SPOCK2: variants seen among roughly 807,000 people sequenced by gnomAD.
SPOCK2 encodes the protein testican-2.
Under a neutral mutation model 60.1 loss-of-function variants are expected in SPOCK2, and 39 were observed. The observed-to-expected ratio is 0.65, with a 90% CI of 0.50 to 0.85. SPOCK2 has a LOEUF of 0.85. Ranked by LOEUF, SPOCK2 falls within the 40% of genes least tolerant of loss-of-function variation. The pLI is 0.00. For synonymous variants in SPOCK2, 217 were observed against 231.5 expected (o/e 0.94, Z 0.57); for missense variants, 523 against 567.4 (o/e 0.92, Z 0.80).
In SPOCK2 at chr10:72,088,537, G is replaced by T; in HGVS notation, c.-209C>A. 1 of 548,590 alleles carries T rather than the reference G, an allele frequency of 1.8e-6. No homozygotes were observed. The highest frequency in any genetic ancestry group is 3.1e-6 in the Non-Finnish European group (1 of 318,816). The allele number at this position is 548,590 out of a possible 1,614,324, so 34.0% of individuals were successfully genotyped here. Reference sequence around the variant, plus strand: ...GAAAAAGCCCAGCACTGGACGCGGAGAGGGAGAGAGAATCAGAGAGGCTGC... The same window carrying T: ...GAAAAAGCCCAGCACTGGACGCGGATAGGGAGAGAGAATCAGAGAGGCTGC... On this transcript the variant is annotated 5_prime_UTR_variant, in exon 1 of 11. Transcript: ENST00000373109.
chr10:72,088,670 C>T (rs570145922), upstream of SPOCK2: 121 of 210,200 alleles, frequency 5.8e-4, no homozygotes, highest in African/African-American at 2.6e-3. Context: ...CGAAGCGCTC[C>T]CTCGATGAGA....
intron 8 of SPOCK2, among the ~76,000 whole-genome samples, chr10:72,066,229 C>G (rs1347988929): frequency 1.3e-5 from 2 of 152,164 alleles, no homozygotes; most frequent in African/African-American, 4.8e-5. Flanking sequence ...AGAAGAATCA[C>G]CGAGAAGCAA....
chr10:72,068,415 G>A (rs1476445035), intron 5 of SPOCK2, 114 bp from the exon 6 acceptor site: 1 of 1,132,292 alleles, frequency 8.8e-7, no homozygotes, highest in Non-Finnish European at 1.2e-6. Flanking sequence ...CCCATGGAGT[G>A]CCCATGAACA....
chr10:72,083,293 G>A (rs1017086099), intron 1 of SPOCK2, among the ~76,000 whole-genome samples: 2 of 152,224 alleles, frequency 1.3e-5, no homozygotes, highest in Non-Finnish European at 2.9e-5. Flanking sequence ...ATACATGTGG[G>A]TGGCCAGGCC....
chr10:72,082,437 C>T (rs190631889), intron 1 of SPOCK2, among the ~76,000 whole-genome samples: 1 of 152,210 alleles, frequency 6.6e-6, no homozygotes, highest in African/African-American at 2.4e-5. Context: ...TGTGTCCCCC[C>T]CAGACCCATA....
At chr10:72,068,140 G>A (rs763298812) in intron 6 of SPOCK2, 47 bp downstream of exon 6, 57 of 1,566,256 alleles carry the variant, frequency 3.6e-5, no homozygotes, top group Non-Finnish European at 4.6e-5. Context: ...GGAGGTGCCA[G>A]GTGGCCCTTC....
At chr10:72,086,711 G>A in intron 1 of SPOCK2, 1 of 1,365,074 alleles carries the variant, frequency 7.3e-7, no homozygotes, top group Non-Finnish European at 9.5e-7. Context: ...AGCCCATCGC[G>A]GGGCCCGGCC....
intron 1 of SPOCK2, among the ~76,000 whole-genome samples, chr10:72,073,133 G>C (rs1840671592): frequency 6.6e-6 from 1 of 152,228 alleles, no homozygotes; most frequent in Non-Finnish European, 1.5e-5. Flanking sequence ...ACTGGCCTTA[G>C]GAGTAGCAGG....
intron 1 of SPOCK2, among the ~76,000 whole-genome samples, chr10:72,084,031 A>G (rs1185368683): frequency 6.6e-6 from 1 of 152,126 alleles, no homozygotes; most frequent in Non-Finnish European, 1.5e-5. Context: ...GTTCCTAAAC[A>G]CACGATATTG....
rs538954092 is a variant in SPOCK2 at position 72,060,604 on chromosome 10, G to C, written c.*2156C>G. 32 of 152,722 alleles carry C rather than the reference G, an allele frequency of 2.1e-4. No individual in the cohort carries two copies. Among genetic ancestry groups the C allele is most frequent in the African/African-American group, 7.5e-4 (31 of 41,508 alleles). The allele number at this position is 152,722 out of a possible 1,614,324, so 9.5% of individuals were successfully genotyped here. A position where few individuals can be genotyped will look rare whatever the true frequency, so the allele number is the denominator to read the frequency against. ...AGAAGTTTCAAGTAGCTCCGAGTCA[G>C]AGGCGCGGCTGCCTCAGAGAGCAGA... On this transcript the variant is annotated 3_prime_UTR_variant, in exon 11 of 11. Transcript: ENST00000373109.
In SPOCK2 at chr10:72,062,579, TCA is replaced by T; in HGVS notation, c.*179_*180del. ...TACACACATGCATGCACACATGCAC[TCA>T]CACTGTCACCCGTCCCAGCCATCTG... On this transcript the variant is annotated 3_prime_UTR_variant, in exon 11 of 11. Transcript: ENST00000373109. The surrounding 1 kb of genome is among the most constrained non-coding windows in gnomAD (Gnocchi z 4.3). 8.4e-7 allele frequency: 1 copy of T among 1,192,094 alleles called. No homozygotes were observed. Among genetic ancestry groups the T allele is most frequent in the Non-Finnish European group, 1.2e-6 (1 of 856,604 alleles). 73.8% of individuals were successfully genotyped at this position (1,192,094 alleles called of 1,614,324 possible). A position where few individuals can be genotyped will look rare whatever the true frequency, so the allele number is the denominator to read the frequency against.
chr10:72,076,444 C>A (rs1161862054), intron 1 of SPOCK2, among the ~76,000 whole-genome samples: 1 of 152,336 alleles, frequency 6.6e-6, no homozygotes, highest in East Asian at 1.9e-4. Flanking sequence ...AGGCCCCGTT[C>A]TACACCTGAG....
At chr10:72,085,395 T>C (rs1014158463) in intron 1 of SPOCK2, among the ~76,000 whole-genome samples, 2 of 152,202 alleles carry the variant, frequency 1.3e-5, no homozygotes, top group Non-Finnish European at 2.9e-5. Flanking sequence ...ACTCAACTGG[T>C]AAATCCTGCC....
intron 1 of SPOCK2, chr10:72,086,257 G>A (rs996862805): frequency 3.0e-6 from 3 of 987,126 alleles, no homozygotes; most frequent in Non-Finnish European, 2.4e-6. Flanking sequence ...TGATGAGCAT[G>A]AGAGGAAGGG....
chr10:72,077,506 G>A (rs895036152), intron 1 of SPOCK2, among the ~76,000 whole-genome samples: 1 of 151,990 alleles, frequency 6.6e-6, no homozygotes, highest in African/African-American at 2.4e-5. Context: ...TACCCAGCTC[G>A]GGCCACGCTT....
intron 1 of SPOCK2, among the ~76,000 whole-genome samples, chr10:72,085,646 A>G (rs917627098): frequency 7.9e-5 from 12 of 151,980 alleles, no homozygotes; most frequent in African/African-American, 2.7e-4. Flanking sequence ...CCTCCACCCT[A>G]CTAGGACAAA....
At chr10:72,084,888 T>TC (rs999164104) in intron 1 of SPOCK2, among the ~76,000 whole-genome samples, 8 of 152,158 alleles carry the variant, frequency 5.3e-5, no homozygotes, top group African/African-American at 1.9e-4. Flanking sequence ...GCTCACTGCA[T>TC]CAGGGATTCA....
intron 8 of SPOCK2, among the ~76,000 whole-genome samples, 180 bp downstream of exon 8, chr10:72,066,709 AGCTGAAAGTGTTG>A (rs1438594165): frequency 6.6e-6 from 1 of 152,086 alleles, no homozygotes; most frequent in Admixed American, 6.5e-5. Context: ...CAAGGAAGGG[AGCTGAAAGTGTTG>A]GCTTCCCTGG....
At chr10:72,079,510 A>G (rs917331530) in intron 1 of SPOCK2, among the ~76,000 whole-genome samples, 3 of 152,304 alleles carry the variant, frequency 2.0e-5, no homozygotes, top group East Asian at 3.9e-4. Flanking sequence ...CTCAGTTGCC[A>G]TGGAGACGGT....
Sources: gnomAD v4.1 joint callset for allele counts (sites outside exome capture counted in the v4.1 genomes callset) on GRCh38, gnomAD v4.1.1 for gene constraint, Gnocchi (gnomAD v3.1) non-coding constraint, MANE v1.5 for transcripts, NCBI Gene and HGNC (gene_info 2026-07-23, HGNC 2026-07-21) for gene names.